Variants in RFX3 observed in about 807,000 individuals in gnomAD.
RFX3 encodes the protein regulatory factor X3.
In RFX3, 14 loss-of-function variants were observed where a neutral mutation model predicts 98.6. That is an observed-to-expected ratio of 0.14 (90% CI 0.09 to 0.22). The LOEUF (loss-of-function observed/expected upper bound fraction) is 0.22, where lower values mean the gene tolerates loss of function less well. Ranked by LOEUF, RFX3 falls within the 10% of genes least tolerant of loss-of-function variation. The pLI is 1.00. For missense variants in RFX3, 639 were observed against 926.9 expected (o/e 0.69, Z 4.03); for synonymous variants, 383 against 328.4 (o/e 1.17, Z -1.80).
intron 1 of RFX3, among the ~76,000 whole-genome samples, chr9:3,426,662 T>C (rs1766976975): frequency 6.6e-6 from 1 of 152,156 alleles, no homozygotes; most frequent in Admixed American, 6.6e-5. Context: ...ATGCAAACCC[T>C]GTTGTGAACT....
intron 1 of RFX3, among the ~76,000 whole-genome samples, chr9:3,427,410 G>A (rs1277475713): frequency 1.6e-5 from 2 of 128,580 alleles, no homozygotes; most frequent in East Asian, 4.3e-4. Context: ...AATATATATT[G>A]TTATATAATA....
intron 6 of RFX3, among the ~76,000 whole-genome samples, chr9:3,288,843 T>C (rs1242307567): frequency 6.6e-6 from 1 of 152,110 alleles, no homozygotes; most frequent in African/African-American, 2.4e-5. Flanking sequence ...CTTTAATCTG[T>C]TGATTTTGAA....
intron 1 of RFX3, among the ~76,000 whole-genome samples, chr9:3,481,858 C>A (rs1849792527): frequency 6.8e-6 from 1 of 146,640 alleles, no homozygotes; most frequent in Non-Finnish European, 1.5e-5. Flanking sequence ...TATTCGATTG[C>A]CAAAATAAAA....
chr9:3,378,615 G>A (rs975547751), intron 2 of RFX3, among the ~76,000 whole-genome samples: 2 of 137,452 alleles, frequency 1.5e-5, no homozygotes, highest in African/African-American at 5.6e-5. Context: ...AGAGTGCAAT[G>A]GTGCAATCTT....
chr9:3,296,843 T>C (rs1459323649), intron 5 of RFX3, among the ~76,000 whole-genome samples: 1 of 152,074 alleles, frequency 6.6e-6, no homozygotes, highest in African/African-American at 2.4e-5. Context: ...CTAGATCGCC[T>C]AGAAATTCAC....
chr9:3,229,209 T>G (rs929527599), intron 15 of RFX3, among the ~76,000 whole-genome samples: 3 of 152,192 alleles, frequency 2.0e-5, no homozygotes, highest in Non-Finnish European at 4.4e-5. Flanking sequence ...GGATGAAGAC[T>G]GATGTGGCAA....
At chr9:3,280,390 A>G (rs563899314) in intron 7 of RFX3, among the ~76,000 whole-genome samples, 198 of 151,912 alleles carry the variant, frequency 1.3e-3, no homozygotes, top group African/African-American at 4.5e-3. Flanking sequence ...ATGTCATGGT[A>G]TATCGACAAT....
intron 1 of RFX3, among the ~76,000 whole-genome samples, chr9:3,432,376 A>C (rs1844730974): frequency 6.6e-6 from 1 of 152,172 alleles, no homozygotes; most frequent in Admixed American, 6.5e-5. Context: ...ATACTATGGA[A>C]GAGAACCCCA....
intron 1 of RFX3, among the ~76,000 whole-genome samples, chr9:3,477,169 C>T (rs1849344587): frequency 6.6e-6 from 1 of 152,092 alleles, no homozygotes; most frequent in African/African-American, 2.4e-5. Flanking sequence ...AATACAGAAT[C>T]ACAATTTATA....
At chr9:3,382,089 T>C (rs1216117095) in intron 2 of RFX3, among the ~76,000 whole-genome samples, 1 of 152,160 alleles carries the variant, frequency 6.6e-6, no homozygotes, top group Non-Finnish European at 1.5e-5. Flanking sequence ...GCTAGAGATG[T>C]AGTGGTGATC....
intron 12 of RFX3, among the ~76,000 whole-genome samples, chr9:3,264,642 G>C (rs1201868873): frequency 2.0e-5 from 3 of 152,146 alleles, no homozygotes; most frequent in Non-Finnish European, 4.4e-5. Flanking sequence ...TAAGTAGCTT[G>C]CTCAAGGCTG....
intron 1 of RFX3, chr9:3,400,301 G>T: frequency 1.7e-6 from 1 of 576,142 alleles, no homozygotes; most frequent in Non-Finnish European, 2.2e-6. Context: ...ATAGAATAGA[G>T]TAGGGGAAAT....
At chr9:3,398,936 A>T in intron 1 of RFX3, among the ~76,000 whole-genome samples, 1 of 149,886 alleles carries the variant, frequency 6.7e-6, no homozygotes, top group African/African-American at 2.5e-5. Flanking sequence ...AAAAAAAAAA[A>T]AAAAATTAAA....
At chr9:3,373,852 G>A (rs1408480642) in intron 2 of RFX3, among the ~76,000 whole-genome samples, 1 of 152,196 alleles carries the variant, frequency 6.6e-6, no homozygotes, top group Non-Finnish European at 1.5e-5. Context: ...GCAGAGGCAG[G>A]CAGATCACGA....
intron 1 of RFX3, among the ~76,000 whole-genome samples, chr9:3,413,554 C>A (rs1842644412): frequency 6.6e-6 from 1 of 152,022 alleles, no homozygotes; most frequent in Non-Finnish European, 1.5e-5. Context: ...ATACAAAAAC[C>A]TCAATAAAGA....
chr9:3,349,520 G>A (rs1834835541), intron 2 of RFX3, among the ~76,000 whole-genome samples: 1 of 151,960 alleles, frequency 6.6e-6, no homozygotes, highest in Non-Finnish European at 1.5e-5. Flanking sequence ...CTATAAAACA[G>A]GCAATATATT....
chr9:3,234,725 T>A (rs1818910040), intron 15 of RFX3, among the ~76,000 whole-genome samples: 1 of 152,168 alleles, frequency 6.6e-6, no homozygotes. Flanking sequence ...GATGATGAGC[T>A]GGATAGGGCC....
At chr9:3,429,922 C>G (rs545830377) in intron 1 of RFX3, among the ~76,000 whole-genome samples, 1 of 152,156 alleles carries the variant, frequency 6.6e-6, no homozygotes, top group Non-Finnish European at 1.5e-5. Flanking sequence ...AACCCACGGC[C>G]CACTTGCAGA....
chr9:3,488,994 A>G lies in RFX3; in HGVS notation c.-9+36753T>C, dbSNP rs548684072. On this transcript the variant is annotated intron_variant, in intron 1 of 16. Coordinates refer to ENST00000617270, the MANE Select transcript of RFX3 (RefSeq NM_001282116.2). The stretch of plus-strand genomic sequence containing the variant: ...CATCATCACATCTTTGATTGAAACA[A>G]CATGAACACAATTTTTAGAACTTAG... The G allele has an allele frequency of 5.2e-5, 27 of 518,428 alleles. No homozygotes were observed. In the South Asian group the frequency reaches 1.9e-3, roughly 37 times the overall value. The allele number at this position is 518,428 out of a possible 1,614,324, so 32.1% of individuals were successfully genotyped here.
Sources: gnomAD v4.1 joint callset for allele counts (sites outside exome capture counted in the v4.1 genomes callset) on GRCh38, gnomAD v4.1.1 for gene constraint, MANE v1.5 for transcripts, NCBI Gene and HGNC (gene_info 2026-07-23, HGNC 2026-07-21) for gene names.